Variants in ZBTB7C observed in about 807,000 individuals in gnomAD.
ZBTB7C encodes the protein zinc finger and BTB domain containing 7C.
In ZBTB7C, 8 loss-of-function variants were observed where a neutral mutation model predicts 25.7. That is an observed-to-expected ratio of 0.31 (90% CI 0.18 to 0.56). The LOEUF (loss-of-function observed/expected upper bound fraction) is 0.56. Ranked by LOEUF, ZBTB7C falls within the 20% of genes least tolerant of loss-of-function variation. The pLI is 0.91. For synonymous variants in ZBTB7C, 394 were observed against 369.0 expected (o/e 1.07, Z -0.78); for missense variants, 824 against 855.2 (o/e 0.96, Z 0.46).
chr18:48,121,331 G>C (rs2039621577), intron 3 of ZBTB7C, among the ~76,000 whole-genome samples: 1 of 152,076 alleles, frequency 6.6e-6, no homozygotes, highest in South Asian at 2.1e-4. Context: ...CCCAGGGATG[G>C]GATGCTGTCC....
At chr18:48,259,258 ATGATTT>A (rs1555726042) in intron 2 of ZBTB7C, among the ~76,000 whole-genome samples, 22 of 149,676 alleles carry the variant, frequency 1.5e-4, no homozygotes, top group East Asian at 8.0e-4. Flanking sequence ...CCACAAACAA[ATGATTT>A]TTGACAAGAG....
Position 48,040,657 on chromosome 18 carries a change from C to T in ZBTB7C, c.451G>A (p.Glu151Lys). ...DDDDDEDDDD[E>K]EDEEEEEEEE... ...TCCTCCTCCTCCTCTTCGTCCTCCT[C>T]ATCATCATCATCTTCGTCGTCGTCA... The change falls in exon 4 of 5, where the codon GAG becomes AAG. Residue 151 changes from glutamate to lysine, a missense_variant. Transcript: ENST00000590800. 6.2e-7 allele frequency: 1 copy of T among 1,612,854 alleles called. No individual in the cohort carries two copies.
At chr18:48,394,784 T>C (rs2047982218) in intron 1 of ZBTB7C, among the ~76,000 whole-genome samples, 2 of 152,178 alleles carry the variant, frequency 1.3e-5, no homozygotes, top group Non-Finnish European at 2.9e-5. Context: ...TCTGTAGAGA[T>C]CTTTACAGCT....
intron 3 of ZBTB7C, among the ~76,000 whole-genome samples, chr18:48,176,873 C>T (rs1410802735): frequency 6.6e-6 from 1 of 152,204 alleles, no homozygotes; most frequent in Non-Finnish European, 1.5e-5. Flanking sequence ...GGCAACCAGG[C>T]CAGGGAAGAG....
chr18:48,104,686 T>C (rs1031315307), intron 3 of ZBTB7C, among the ~76,000 whole-genome samples: 4 of 152,186 alleles, frequency 2.6e-5, no homozygotes, highest in African/African-American at 7.2e-5. Context: ...TTCTTTGCTA[T>C]GAGGATGCAA....
chr18:48,054,517 C>T (rs1330396962), intron 3 of ZBTB7C, among the ~76,000 whole-genome samples: 1 of 152,190 alleles, frequency 6.6e-6, no homozygotes, highest in Non-Finnish European at 1.5e-5. Context: ...ACTCCTGCCT[C>T]CCTGCTGTTG....
At chr18:48,070,168 A>G (rs1326353548) in intron 3 of ZBTB7C, among the ~76,000 whole-genome samples, 2 of 152,242 alleles carry the variant, frequency 1.3e-5, no homozygotes, top group African/African-American at 4.8e-5. Context: ...CAGCAAAAGC[A>G]TAGTAAGCAG....
intron 1 of ZBTB7C, among the ~76,000 whole-genome samples, chr18:48,401,124 T>G (rs915226829): frequency 1.3e-5 from 2 of 152,182 alleles, no homozygotes; most frequent in African/African-American, 2.4e-5. Context: ...TACCTGCATG[T>G]GAGCTCATGA....
chr18:48,116,831 A>C (rs928388217), intron 3 of ZBTB7C, among the ~76,000 whole-genome samples: 1 of 152,104 alleles, frequency 6.6e-6, no homozygotes, highest in Admixed American at 6.5e-5. Context: ...AAATGGAGAA[A>C]GCACAGGGCC....
At chr18:48,092,983 G>T (rs563330254) in intron 3 of ZBTB7C, among the ~76,000 whole-genome samples, 24 of 152,342 alleles carry the variant, frequency 1.6e-4, no homozygotes, top group Admixed American at 1.6e-3. Flanking sequence ...GCATACAGGG[G>T]TTTTGCATTT....
At chr18:48,032,144 C>T (rs538119720) in intron 4 of ZBTB7C, among the ~76,000 whole-genome samples, 260 of 152,178 alleles carry the variant, frequency 1.7e-3, no homozygotes, top group Non-Finnish European at 2.7e-3. Context: ...GACAGAGTCT[C>T]ACTCTGTTGC....
At chr18:48,135,251 T>A (rs1391707513) in intron 3 of ZBTB7C, among the ~76,000 whole-genome samples, 1 of 152,192 alleles carries the variant, frequency 6.6e-6, no homozygotes, top group Non-Finnish European at 1.5e-5. Flanking sequence ...ACAATAGCGT[T>A]GAATAAATGA....
intron 1 of ZBTB7C, among the ~76,000 whole-genome samples, chr18:48,362,261 C>A (rs776755322): frequency 2.6e-5 from 4 of 152,234 alleles, no homozygotes; most frequent in Non-Finnish European, 5.9e-5. Context: ...TTCTCCCCAA[C>A]AAACTCAAAG....
intron 1 of ZBTB7C, among the ~76,000 whole-genome samples, chr18:48,343,007 C>T (rs571530996): frequency 5.3e-4 from 80 of 152,228 alleles, no homozygotes; most frequent in African/African-American, 1.9e-3. Context: ...GGCAGTGCTC[C>T]AAGGAGACCC....
chr18:48,146,412 G>C (rs183176639), intron 3 of ZBTB7C, among the ~76,000 whole-genome samples: 2 of 152,042 alleles, frequency 1.3e-5, no homozygotes, highest in Admixed American at 1.3e-4. Context: ...TATAATTTTG[G>C]CTACTTATTT....
intron 2 of ZBTB7C, among the ~76,000 whole-genome samples, chr18:48,260,234 G>T (rs1393125284): frequency 6.6e-6 from 1 of 152,154 alleles, no homozygotes; most frequent in Admixed American, 6.5e-5. Context: ...GAGAGAAACT[G>T]CATAAAAAGA....
intron 3 of ZBTB7C, among the ~76,000 whole-genome samples, chr18:48,143,352 G>A (rs1375392157): frequency 6.6e-6 from 1 of 152,136 alleles, no homozygotes; most frequent in Non-Finnish European, 1.5e-5. Context: ...ATTTAATTCT[G>A]TGCTTCTAAA....
chr18:48,296,864 C>T (rs1484725954), intron 2 of ZBTB7C, among the ~76,000 whole-genome samples: 1 of 152,164 alleles, frequency 6.6e-6, no homozygotes, highest in Non-Finnish European at 1.5e-5. Context: ...CTATTGTGAA[C>T]CATGCATGTG....
chr18:48,135,370 TA>T (rs150761965), intron 3 of ZBTB7C, among the ~76,000 whole-genome samples: 2 of 152,194 alleles, frequency 1.3e-5, no homozygotes, highest in African/African-American at 4.8e-5. Flanking sequence ...TCTCTGCAGT[TA>T]AAGTGTAAGA....
Sources: gnomAD v4.1 joint callset for allele counts (sites outside exome capture counted in the v4.1 genomes callset) on GRCh38, gnomAD v4.1.1 for gene constraint, MANE v1.5 for transcripts, NCBI Gene and HGNC (gene_info 2026-07-23, HGNC 2026-07-21) for gene names.